Variants in KLHL4 observed in about 807,000 individuals in gnomAD.
The protein encoded by KLHL4 is kelch-like protein 4.
KLHL4 carries 17 observed loss-of-function variants against 45.8 expected under a neutral mutation model. The ratio of observed to expected loss-of-function variants is 0.37; its 90% CI spans 0.25 to 0.56. The LOEUF is 0.56. KLHL4 is among the 20% of genes least tolerant of loss of function. The pLI is 0.79. For missense variants in KLHL4, 544 were observed against 544.9 expected (o/e 1.00, Z 0.02); for synonymous variants, 224 against 189.9 (o/e 1.18, Z -1.47).
chrX:87,666,638 C>A lies in KLHL4; in HGVS notation c.*104C>A. 1 of 999,119 alleles carries A rather than the reference C, an allele frequency of 1.0e-6. No homozygotes were observed. Among genetic ancestry groups the A allele is most frequent in the Non-Finnish European group, 1.3e-6 (1 of 783,343 alleles). The allele number at this position is 999,119 out of a possible 1,213,427, so 82.3% of individuals were successfully genotyped here. ...TGTTCTTTTTCCTGCAATTAATAATCAGACTGGAAAATTGTTGTATCATTT... is the reference window on the plus strand; with the variant it reads ...TGTTCTTTTTCCTGCAATTAATAATAAGACTGGAAAATTGTTGTATCATTT... On this transcript the variant is annotated 3_prime_UTR_variant, in exon 11 of 11. Coordinates refer to ENST00000373119, the MANE Select transcript of KLHL4 (RefSeq NM_019117.5).
At chrX:87,642,712 A>G (rs1304365349) in intron 9 of KLHL4, among the ~76,000 whole-genome samples, 1 of 112,549 alleles carries the variant, frequency 8.9e-6, no homozygotes, top group Non-Finnish European at 1.9e-5. Context: ...AAAAACAATC[A>G]AAAATCCAGG....
At chrX:87,665,027 C>A in intron 10 of KLHL4, 92 bp downstream of exon 10, 1 of 533,853 alleles carries the variant, frequency 1.9e-6, no homozygotes. Flanking sequence ...ATTCTCTTCT[C>A]TAGGCCCTAA....
chrX:87,580,267 T>A (rs5969266), intron 1 of KLHL4, among the ~76,000 whole-genome samples: 45,887 of 103,937 alleles, frequency 0.44, 7,897 homozygotes, highest in East Asian at 0.77. Context: ...TACAAAAAAA[T>A]TAGTAAAAAG....
chrX:87,519,373 T>A (rs911887611), intron 1 of KLHL4, among the ~76,000 whole-genome samples: 6 of 112,052 alleles, frequency 5.4e-5, no homozygotes, highest in African/African-American at 1.9e-4. Context: ...CTTCTTAATA[T>A]AAGTTTTCCC....
At chrX:87,545,705 G>T (rs1931663708) in intron 1 of KLHL4, among the ~76,000 whole-genome samples, 1 of 111,991 alleles carries the variant, frequency 8.9e-6, no homozygotes, top group South Asian at 3.7e-4. Flanking sequence ...AACAGGCAGA[G>T]GTTGGAACAG....
chrX:87,614,118 A>G, intron 2 of KLHL4, 74 bp downstream of exon 2: 3 of 723,422 alleles, frequency 4.1e-6, no homozygotes, highest in Non-Finnish European at 6.1e-6. Context: ...TACATGGATT[A>G]TAAACTGGAA....
At chrX:87,615,116 C>T (rs1014688091) in intron 3 of KLHL4, among the ~76,000 whole-genome samples, 1 of 111,293 alleles carries the variant, frequency 9.0e-6, no homozygotes, top group African/African-American at 3.2e-5. Context: ...ATTATGTATA[C>T]TTAGGCTCTT....
chrX:87,583,431 AAGG>A (rs1358023115), intron 1 of KLHL4, among the ~76,000 whole-genome samples: 1 of 111,839 alleles, frequency 8.9e-6, no homozygotes, highest in Non-Finnish European at 1.9e-5. Flanking sequence ...AGGAAAGGAG[AAGG>A]AAGAGTAAAG....
chrX:87,559,786 C>A (rs917751189), intron 1 of KLHL4, among the ~76,000 whole-genome samples: 1 of 99,132 alleles, frequency 1.0e-5, no homozygotes, highest in African/African-American at 3.5e-5. Flanking sequence ...AATTTGTATA[C>A]TAATAACTAT....
In KLHL4 at chrX:87,669,907, T is replaced by C. The variant is rs1453518230; in HGVS notation, c.*3373T>C. Reference sequence around the variant, plus strand: ...TAAAACTTCAAATATCTCACCACAGTGAATTATGGGTAAGGTGATAATATG... The same window carrying C: ...TAAAACTTCAAATATCTCACCACAGCGAATTATGGGTAAGGTGATAATATG... On this transcript the variant is annotated 3_prime_UTR_variant, in exon 11 of 11. Transcript: ENST00000373119. 8.8e-6 allele frequency: 1 copy of C among 114,083 alleles called. No individual in the cohort carries two copies. Among genetic ancestry groups the C allele is most frequent in the African/African-American group, 3.3e-5 (1 of 30,757 alleles). The allele number at this position is 114,083 out of a possible 1,213,427, so 9.4% of individuals were successfully genotyped here.
At chrX:87,563,252 C>T (rs1272584817) in intron 1 of KLHL4, among the ~76,000 whole-genome samples, 1 of 109,523 alleles carries the variant, frequency 9.1e-6, no homozygotes, top group African/African-American at 3.3e-5. Context: ...GGATCAAGAC[C>T]ATCCAGGAAC....
intron 1 of KLHL4, among the ~76,000 whole-genome samples, chrX:87,571,320 A>G (rs1225177898): frequency 9.0e-6 from 1 of 111,045 alleles, no homozygotes; most frequent in Non-Finnish European, 1.9e-5. Flanking sequence ...TACAACAAAA[A>G]ATATTCTCGA....
At chrX:87,550,449 CA>C (rs1215818331) in intron 1 of KLHL4, among the ~76,000 whole-genome samples, 1 of 111,219 alleles carries the variant, frequency 9.0e-6, no homozygotes, top group African/African-American at 3.3e-5. Flanking sequence ...CAGTACCAGT[CA>C]TTTTGACACT....
At chrX:87,582,017 C>G (rs1487793554) in intron 1 of KLHL4, among the ~76,000 whole-genome samples, 1 of 111,730 alleles carries the variant, frequency 9.0e-6, no homozygotes, top group Non-Finnish European at 1.9e-5. Context: ...AGGATCATAA[C>G]CAACCTGATA....
chrX:87,611,612 A>G (rs1922372813), intron 1 of KLHL4, among the ~76,000 whole-genome samples: 1 of 110,239 alleles, frequency 9.1e-6, no homozygotes, highest in African/African-American at 3.3e-5. Flanking sequence ...TGTACAGTAC[A>G]TAGTACCTTA....
intron 1 of KLHL4, among the ~76,000 whole-genome samples, chrX:87,529,291 T>C (rs978871282): frequency 9.0e-6 from 1 of 111,382 alleles, no homozygotes; most frequent in Non-Finnish European, 1.9e-5. Flanking sequence ...TAATTCATAA[T>C]CCAACTCAAA....
At chrX:87,586,479 A>G (rs6614701) in intron 1 of KLHL4, among the ~76,000 whole-genome samples, 51,758 of 109,897 alleles carry the variant, frequency 0.47, 8,749 homozygotes, top group East Asian at 0.76. Context: ...GATAAATTTT[A>G]GCAACTATAG....
intron 1 of KLHL4, 105 bp downstream of exon 1, chrX:87,518,420 T>C (rs1930934747): frequency 1.4e-6 from 1 of 716,708 alleles, no homozygotes; most frequent in African/African-American, 2.2e-5. Context: ...AATCTCTGAG[T>C]TTGTATTCAG....
Position 87,625,676 on chromosome X carries a change from G to A in KLHL4, c.1204G>A (p.Glu402Lys), listed in dbSNP as rs1208672662. The A allele has an allele frequency of 8.3e-7, 1 of 1,207,948 alleles. No individual in the cohort carries two copies. The highest frequency in any genetic ancestry group is 1.7e-5 in the African/African-American group (1 of 57,599). Residue 402 changes from glutamate (E) to lysine (K), a missense_variant, in exon 6 of 11, where the codon GAA (glutamate) becomes AAA (lysine). Glu to Lys is a moderately conservative substitution (Grantham distance 56, BLOSUM62 1). Transcript: ENST00000373119. Reference sequence around the variant, plus strand: ...TCTTGAGTGTCAGAAGCTCCTGATGGAAGCTATGAAGTATCATCTTTTGCC... The same window carrying A: ...TCTTGAGTGTCAGAAGCTCCTGATGAAAGCTATGAAGTATCATCTTTTGCC... Reference protein sequence around the residue: ...GDLECQKLLMEAMKYHLLPER... With the variant: ...GDLECQKLLMKAMKYHLLPER...
Sources: allele counts gnomAD v4.1 joint callset (sites outside exome capture counted in the v4.1 genomes callset), GRCh38; gene constraint gnomAD v4.1.1; transcripts MANE v1.5; gene names NCBI Gene and HGNC (gene_info 2026-07-23, HGNC 2026-07-21).